PTPRT: variants seen among roughly 807,000 people sequenced by gnomAD.
PTPRT encodes the protein receptor-type tyrosine-protein phosphatase T.
In PTPRT, 56 loss-of-function variants were observed where a neutral mutation model predicts 176.8. The observed-to-expected ratio is 0.32, with a 90% CI of 0.26 to 0.40. PTPRT has a LOEUF of 0.40. Ranked by LOEUF, PTPRT falls within the 10% of genes least tolerant of loss-of-function variation. The pLI, the probability that PTPRT is intolerant of heterozygous loss-of-function variation, is 1.00. For synonymous variants in PTPRT, 783 were observed against 739.0 expected (o/e 1.06, Z -0.96); for missense variants, 1,540 against 1,908.2 (o/e 0.81, Z 3.60).
intron 27 of PTPRT, 139 bp from the exon 28 acceptor site, chr20:42,085,992 G>C: frequency 9.1e-7 from 1 of 1,102,720 alleles, no homozygotes; most frequent in Non-Finnish European, 1.2e-6. Flanking sequence ...TTGTTGCCCA[G>C]CCTGGAGTGC....
intron 1 of PTPRT, among the ~76,000 whole-genome samples, chr20:42,990,662 A>G (rs905245076): frequency 5.9e-5 from 9 of 152,352 alleles, no homozygotes; most frequent in Middle Eastern, 3.4e-3. Context: ...GGTCACCTCA[A>G]TTATATTTTT....
At chr20:42,279,922 T>A (rs2057110233) in intron 13 of PTPRT, among the ~76,000 whole-genome samples, 1 of 152,130 alleles carries the variant, frequency 6.6e-6, no homozygotes, top group Non-Finnish European at 1.5e-5. Flanking sequence ...CATATGGACT[T>A]CAGGGTCTGG....
chr20:42,718,502 A>G (rs1022356555), intron 6 of PTPRT, among the ~76,000 whole-genome samples: 5 of 152,174 alleles, frequency 3.3e-5, no homozygotes, highest in African/African-American at 1.2e-4. Context: ...GCGCCACTGC[A>G]CTCCAGCCTG....
chr20:42,443,550 T>C (rs2059337632), intron 9 of PTPRT, among the ~76,000 whole-genome samples: 1 of 152,254 alleles, frequency 6.6e-6, no homozygotes, highest in Non-Finnish European at 1.5e-5. Flanking sequence ...ATACTTCCTG[T>C]TGCAGCTCAG....
intron 2 of PTPRT, among the ~76,000 whole-genome samples, chr20:42,831,139 C>T (rs1037683846): frequency 5.3e-5 from 8 of 152,106 alleles, no homozygotes; most frequent in African/African-American, 1.9e-4. Context: ...TACTACAGGG[C>T]TACAGTAAAT....
intron 1 of PTPRT, among the ~76,000 whole-genome samples, chr20:43,119,100 C>T (rs932182404): frequency 6.6e-6 from 1 of 152,104 alleles, no homozygotes; most frequent in South Asian, 2.1e-4. Context: ...AAATAATGTT[C>T]ATAAGAATAT....
intron 1 of PTPRT, among the ~76,000 whole-genome samples, chr20:42,965,817 G>A (rs1982260417): frequency 6.6e-6 from 1 of 152,144 alleles, no homozygotes; most frequent in Non-Finnish European, 1.5e-5. Flanking sequence ...AATTTTCTTT[G>A]GGGACAGTGG....
chr20:42,602,326 T>A (rs2206905), intron 7 of PTPRT, among the ~76,000 whole-genome samples: 133,985 of 152,214 alleles, frequency 0.88, 59,366 homozygotes, highest in East Asian at 1. Context: ...AGCATTTCCA[T>A]TAAGACCCTC....
intron 1 of PTPRT, among the ~76,000 whole-genome samples, chr20:43,167,867 C>T (rs2014895704): frequency 1.3e-5 from 2 of 152,130 alleles, no homozygotes. Flanking sequence ...CCCTATGGAG[C>T]CTTCATATGA....
At position 42,656,746 on chromosome 20, in the gene PTPRT, T is replaced by A. The variant is rs2075131808; in HGVS notation, c.1153+21120A>T. On this transcript the variant is annotated intron_variant, in intron 7 of 30. Transcript: ENST00000373187. ...CAGCTTTTAAAAATTAGGAAAAACTTACATGTCTGGAAATCAAAGTTAGGA... is the reference window on the plus strand; with the variant it reads ...CAGCTTTTAAAAATTAGGAAAAACTAACATGTCTGGAAATCAAAGTTAGGA... Among the ~76,000 whole-genome samples, 3 of 152,260 alleles carry A rather than the reference T, an allele frequency of 2.0e-5. No individual in the cohort carries two copies. In the South Asian group the frequency reaches 6.2e-4, roughly 32 times the overall value.
intron 6 of PTPRT, among the ~76,000 whole-genome samples, chr20:42,732,894 T>C (rs1292043575): frequency 6.6e-6 from 1 of 152,244 alleles, no homozygotes; most frequent in Non-Finnish European, 1.5e-5. Context: ...AAAAGATCCC[T>C]GGATACTTAT....
intron 9 of PTPRT, among the ~76,000 whole-genome samples, chr20:42,361,949 A>G (rs1568810778): frequency 6.6e-6 from 1 of 152,236 alleles, no homozygotes; most frequent in Non-Finnish European, 1.5e-5. Context: ...CATCGGCAAT[A>G]TTTTATTCTC....
rs1307059839 is a variant in PTPRT at position 42,472,240 on chromosome 20, C to T, written c.1450+26G>A. 5 of 1,605,030 alleles carry T rather than the reference C, an allele frequency of 3.1e-6. No homozygotes were observed. In the African/African-American group the frequency reaches 6.7e-5, roughly 21 times the overall value. On this transcript the variant is annotated intron_variant, in intron 8 of 30. Transcript: ENST00000373187. The stretch of plus-strand genomic sequence containing the variant: ...TGAATAGATTCAATATCCCCATTCC[C>T]ATGTAAGCTCTCCTCCCTTGCTCAC...
intron 2 of PTPRT, among the ~76,000 whole-genome samples, chr20:42,879,631 G>C (rs1190021734): frequency 1.3e-5 from 2 of 152,210 alleles, no homozygotes; most frequent in Non-Finnish European, 2.9e-5. Flanking sequence ...TGAGCAGTTA[G>C]AGCAAGGCAG....
chr20:42,193,097 C>T (rs956951552), intron 16 of PTPRT, among the ~76,000 whole-genome samples: 6 of 152,238 alleles, frequency 3.9e-5, no homozygotes, highest in Non-Finnish European at 7.3e-5. Context: ...AGAATATCTG[C>T]TCTGGGGTCC....
chr20:42,733,974 C>A (rs991905972), intron 6 of PTPRT, among the ~76,000 whole-genome samples: 15 of 152,176 alleles, frequency 9.9e-5, no homozygotes, highest in African/African-American at 3.4e-4. Context: ...GGCAAAGGCC[C>A]AGGAGTCTCA....
chr20:42,850,449 G>T (rs2078448621), intron 2 of PTPRT, among the ~76,000 whole-genome samples: 1 of 152,192 alleles, frequency 6.6e-6, no homozygotes, highest in African/African-American at 2.4e-5. Flanking sequence ...AACATGAGAT[G>T]GACTGTGGCT....
intron 7 of PTPRT, among the ~76,000 whole-genome samples, chr20:42,650,691 G>A (rs1360538178): frequency 6.6e-6 from 1 of 152,158 alleles, no homozygotes; most frequent in African/African-American, 2.4e-5. Flanking sequence ...CAATAAAGCA[G>A]AGGTCATCTC....
At chr20:42,535,241 C>T (rs1303373813) in intron 7 of PTPRT, among the ~76,000 whole-genome samples, 2 of 152,078 alleles carry the variant, frequency 1.3e-5, no homozygotes, top group African/African-American at 2.4e-5. Context: ...CTGAATAATG[C>T]ATGTTATCAA....
Sources: gnomAD v4.1 joint callset for allele counts (sites outside exome capture counted in the v4.1 genomes callset) on GRCh38, gnomAD v4.1.1 for gene constraint, MANE v1.5 for transcripts, NCBI Gene and HGNC (gene_info 2026-07-23, HGNC 2026-07-21) for gene names.